SFTPD: variants seen among roughly 807,000 people sequenced by gnomAD.
The protein encoded by SFTPD is surfactant protein D, also known as pulmonary surfactant-associated protein D.
SFTPD carries 18 observed loss-of-function variants against 34.6 expected under a neutral mutation model. The observed-to-expected ratio is 0.52, with a 90% CI of 0.36 to 0.77. The LOEUF is 0.77. SFTPD is among the 30% of genes least tolerant of loss of function. SFTPD has a pLI of 0.00. For missense variants in SFTPD, 433 were observed against 468.9 expected, an observed-to-expected ratio of 0.92 and a Z score of 0.71; for synonymous variants, 155 against 180.9, an observed-to-expected ratio of 0.86 and a Z score of 1.15.
At chr10:79,970,154 C>G (rs1196102505) in intron 1 of SFTPD, 2 of 152,144 alleles carry the variant, frequency 1.3e-5, no homozygotes, top group Non-Finnish European at 2.9e-5. Context: ...ATTGAGTGTT[C>G]TTGGCATCTT....
chr10:79,951,294 T>A (rs17884514), upstream of SFTPD, among the ~76,000 whole-genome samples: 919 of 152,322 alleles, frequency 6.0e-3, 2 homozygotes, highest in Non-Finnish European at 8.4e-3. Flanking sequence ...TATGCTGATT[T>A]CTTCTCATCT....
chr10:79,977,858 A>G (rs1842871416), intron 1 of SFTPD, among the ~76,000 whole-genome samples: 1 of 151,600 alleles, frequency 6.6e-6, no homozygotes, highest in Non-Finnish European at 1.5e-5. Context: ...ATTTTGAGGA[A>G]AGTTTTATTT....
upstream of SFTPD, among the ~76,000 whole-genome samples, chr10:79,953,422 G>GT (rs3084853): frequency 1.8e-3 from 266 of 144,442 alleles, 12 homozygotes; most frequent in Non-Finnish European, 1.4e-3. Context: ...TGACAGGTGG[G>GT]TTTTTTTTTT....
upstream of SFTPD, among the ~76,000 whole-genome samples, chr10:79,949,737 C>A (rs569778700): frequency 6.6e-6 from 1 of 152,312 alleles, no homozygotes; most frequent in South Asian, 2.1e-4. Context: ...CTCTGCCTTG[C>A]CTTGTTCAGG....
intron 1 of SFTPD, among the ~76,000 whole-genome samples, chr10:79,960,475 A>C (rs1053119470): frequency 6.7e-6 from 1 of 148,776 alleles, no homozygotes; most frequent in Admixed American, 6.7e-5. Flanking sequence ...ATGTACAAAA[A>C]TCACAAGCAT....
intron 1 of SFTPD, 56 bp from the exon 2 acceptor site, chr10:79,946,718 A>G: frequency 6.6e-7 from 1 of 1,517,464 alleles, no homozygotes; most frequent in Non-Finnish European, 9.0e-7. Context: ...GACATGGTTT[A>G]GGGCTTGGCT....
intron 1 of SFTPD, among the ~76,000 whole-genome samples, chr10:79,958,541 CAAAG>C (rs1336169818): frequency 5.3e-5 from 8 of 152,116 alleles, no homozygotes; most frequent in Non-Finnish European, 1.0e-4. Flanking sequence ...TCAAAAGAGA[CAAAG>C]AAGGCCATGA....
chr10:79,952,651 T>C (rs951103073), upstream of SFTPD, among the ~76,000 whole-genome samples: 4 of 152,118 alleles, frequency 2.6e-5, no homozygotes, highest in African/African-American at 9.7e-5. Flanking sequence ...TCCCCTGTGG[T>C]TGCTGCAGTC....
upstream of SFTPD, chr10:79,951,115 G>A (rs1358086213): frequency 6.6e-6 from 1 of 151,744 alleles, no homozygotes; most frequent in East Asian, 1.9e-4. Flanking sequence ...ATTTCCTTAT[G>A]TTAGTTTTCA....
chr10:79,961,536 T>A (rs2132514250), intron 1 of SFTPD, among the ~76,000 whole-genome samples: 1 of 152,106 alleles, frequency 6.6e-6, no homozygotes, highest in Non-Finnish European at 1.5e-5. Flanking sequence ...AACAAACACA[T>A]GAAAAAATGC....
At chr10:79,966,511 A>C (rs1460240827) in intron 1 of SFTPD, among the ~76,000 whole-genome samples, 1 of 132,700 alleles carries the variant, frequency 7.5e-6, no homozygotes, top group Non-Finnish European at 1.5e-5. Context: ...AGGTTGCGAA[A>C]ATTTTCTCCC....
chr10:79,964,244 C>T (rs948456585), intron 1 of SFTPD, among the ~76,000 whole-genome samples: 7 of 152,134 alleles, frequency 4.6e-5, no homozygotes, highest in African/African-American at 7.2e-5. Context: ...GAGGTTTCCT[C>T]GCTACACAAG....
intron 1 of SFTPD, among the ~76,000 whole-genome samples, chr10:79,967,728 C>G (rs914978423): frequency 6.6e-6 from 1 of 151,980 alleles, no homozygotes; most frequent in African/African-American, 2.4e-5. Flanking sequence ...CCCAGGCCTG[C>G]ACGTATACAT....
At chr10:79,952,145 C>A (rs901590464), upstream of SFTPD, among the ~76,000 whole-genome samples, 1 of 152,204 alleles carries the variant, frequency 6.6e-6, no homozygotes. Context: ...CCTCTTCCCT[C>A]AGCAGCTCTG....
intron 1 of SFTPD, among the ~76,000 whole-genome samples, chr10:79,980,358 A>G (rs944317350): frequency 6.6e-6 from 1 of 152,204 alleles, no homozygotes; most frequent in African/African-American, 2.4e-5. Flanking sequence ...CCGAGATGGC[A>G]TTTATAGACT....
At chr10:79,971,381 T>C (rs979662947) in intron 1 of SFTPD, 1 of 152,186 alleles carries the variant, frequency 6.6e-6, no homozygotes, top group Non-Finnish European at 1.5e-5. Context: ...AGAATGAGTA[T>C]AAAAGAATTT....
intron 5 of SFTPD, 37 bp downstream of exon 5, chr10:79,941,917 C>T: frequency 7.1e-7 from 1 of 1,404,210 alleles, no homozygotes; most frequent in Non-Finnish European, 1.0e-6. Context: ...CACAGGAGAA[C>T]TGGACCCAGC....
At chr10:79,945,405 TA>T (rs1456274963) in intron 2 of SFTPD, among the ~76,000 whole-genome samples, 1 of 152,180 alleles carries the variant, frequency 6.6e-6, no homozygotes, top group Non-Finnish European at 1.5e-5. Flanking sequence ...ACTTGCCCCT[TA>T]CCCCACAAAG....
At chr10:79,963,378 T>G (rs1241356364) in intron 1 of SFTPD, among the ~76,000 whole-genome samples, 1 of 151,180 alleles carries the variant, frequency 6.6e-6, no homozygotes, top group Non-Finnish European at 1.5e-5. Context: ...GGAGTGAGAC[T>G]CCTGGATTGG....
Sources: allele counts gnomAD v4.1 joint callset (sites outside exome capture counted in the v4.1 genomes callset), GRCh38; gene constraint gnomAD v4.1.1; transcripts MANE v1.5; gene names NCBI Gene and HGNC (gene_info 2026-07-23, HGNC 2026-07-21).